The following FIP1L1 variants were observed in gnomAD, a reference collection of about 807,000 sequenced individuals.
FIP1L1 encodes the protein pre-mRNA 3'-end-processing factor FIP1.
In FIP1L1, 21 loss-of-function variants were observed where a neutral mutation model predicts 84.6. The observed-to-expected ratio is 0.25, with a 90% CI of 0.18 to 0.36. The LOEUF (loss-of-function observed/expected upper bound fraction) is 0.36, where lower values mean the gene tolerates loss of function less well. Ranked by LOEUF, FIP1L1 falls within the 10% of genes least tolerant of loss-of-function variation. The probability of loss-of-function intolerance (pLI) is 1.00; values close to 1 mark genes in which losing one functional copy is unlikely to be tolerated. For missense variants in FIP1L1, 526 were observed against 751.1 expected, an observed-to-expected ratio of 0.70 and a Z score of 3.50; for synonymous variants, 263 against 242.3, an observed-to-expected ratio of 1.09 and a Z score of -0.80.
chr4:53,378,094 C>A, intron 1 of FIP1L1, 171 bp downstream of exon 1: 1 of 538,576 alleles, frequency 1.9e-6, no homozygotes, highest in Non-Finnish European at 3.1e-6. Flanking sequence ...GTCCCCGCGG[C>A]GGTCTCCCGC....
intron 10 of FIP1L1, among the ~76,000 whole-genome samples, chr4:53,405,421 A>G (rs1159386882): frequency 2.0e-5 from 3 of 152,120 alleles, no homozygotes; most frequent in Non-Finnish European, 4.4e-5. Flanking sequence ...GCCTTGTAGT[A>G]TAGTTTGAAG....
At chr4:53,395,385 G>C (rs965160518) in intron 9 of FIP1L1, among the ~76,000 whole-genome samples, 4 of 152,014 alleles carry the variant, frequency 2.6e-5, no homozygotes, top group African/African-American at 9.7e-5. Context: ...CTCTTTTAAT[G>C]TCTCTCCCAC....
chr4:53,410,087 C>G (rs528270485), intron 10 of FIP1L1, among the ~76,000 whole-genome samples: 1 of 152,240 alleles, frequency 6.6e-6, no homozygotes. Flanking sequence ...CTGCGTCGCT[C>G]ACGCTGGGAG....
rs772589019 is a variant in FIP1L1, at chr4:53,390,578, T to C, written c.455T>C (p.Leu152Pro). ...CCTGGAAGCATTAATGGAGTTCCACTCTTAGAGGTAGATTTGGATTCTTTT... is the reference window on the plus strand; with the variant it reads ...CCTGGAAGCATTAATGGAGTTCCACCCTTAGAGGTAGATTTGGATTCTTTT... ...DAPGSINGVP[L>P]LEVDLDSFED... is the part of the protein sequence containing the mutation. Residue 152 changes from leucine to proline, a missense_variant, in exon 7 of 18, where the codon CTC becomes CCC. By Grantham distance (98) the Leu-to-Pro change is moderately conservative. This residue lies in a region of FIP1L1 where 169 missense variants were observed against 206.9 expected (regional missense o/e 0.82). Transcript: ENST00000337488. 3.1e-6 allele frequency: 5 copies of C among 1,613,070 alleles called. No homozygotes were observed. The highest frequency in any genetic ancestry group is 4.2e-6 in the Non-Finnish European group (5 of 1,179,336).
intron 13 of FIP1L1, among the ~76,000 whole-genome samples, chr4:53,429,007 C>T (rs1765453006): frequency 6.6e-6 from 1 of 152,196 alleles, no homozygotes. Flanking sequence ...GCCATGTACT[C>T]TCACTCACTT....
In FIP1L1 at chr4:53,414,209, T is replaced by C. The variant is rs186529664; in HGVS notation, c.816-406T>C. Among the ~76,000 whole-genome samples, 26 of 152,294 alleles carry C rather than the reference T, an allele frequency of 1.7e-4. 1 individual carries two copies. The South Asian group carries it at 2.1e-3, about 12-fold the overall frequency. On this transcript the variant is annotated intron_variant, in intron 10 of 17. Transcript: ENST00000337488. Reference sequence around the variant, plus strand: ...TAACTGGTTGCACTAACAATACTTATATCCATTGTTGAAGAATATAGGGAA... The same window carrying C: ...TAACTGGTTGCACTAACAATACTTACATCCATTGTTGAAGAATATAGGGAA...
At chr4:53,387,426 T>A (rs957314660) in intron 5 of FIP1L1, among the ~76,000 whole-genome samples, 1 of 152,186 alleles carries the variant, frequency 6.6e-6, no homozygotes, top group Non-Finnish European at 1.5e-5. Context: ...TGCTCCCACC[T>A]CCCACAAAAC....
At chr4:53,404,956 G>C (rs1389876370) in intron 10 of FIP1L1, among the ~76,000 whole-genome samples, 2 of 151,476 alleles carry the variant, frequency 1.3e-5, no homozygotes, top group Non-Finnish European at 1.5e-5. Context: ...CATTTTGTAG[G>C]TTGCCTGTTC....
In FIP1L1 at chr4:53,390,779, A is replaced by C. The variant is rs1743858419; in HGVS notation, c.505+151A>C. On this transcript the variant is annotated intron_variant, in intron 7 of 17. Coordinates refer to ENST00000337488, the MANE Select transcript of FIP1L1 (RefSeq NM_030917.4). Reference sequence around the variant, plus strand: ...AGTAATAATGACTTGGGATTATTAAATCTTACTGGTGGCCTTGTATTACTT... The same window carrying C: ...AGTAATAATGACTTGGGATTATTAACTCTTACTGGTGGCCTTGTATTACTT... The C allele has an allele frequency of 6.4e-6, 4 of 626,268 alleles. No individual in the cohort carries two copies. The Admixed American group carries it at 1.0e-4, about 16-fold the overall frequency. 38.8% of individuals were successfully genotyped at this position (626,268 alleles called of 1,614,324 possible).
chr4:53,446,147 G>T (rs1055907167), intron 15 of FIP1L1, among the ~76,000 whole-genome samples: 1 of 151,672 alleles, frequency 6.6e-6, no homozygotes, highest in Admixed American at 6.6e-5. Context: ...ACAAAAGATG[G>T]TATTTATGTT....
At chr4:53,382,437 C>A in intron 4 of FIP1L1, 102 bp downstream of exon 4, 1 of 842,388 alleles carries the variant, frequency 1.2e-6, no homozygotes, top group Admixed American at 2.0e-5. Context: ...CCTTCAGTAT[C>A]AGGTGTTATC....
intron 13 of FIP1L1, among the ~76,000 whole-genome samples, chr4:53,438,811 A>G (rs1268685012): frequency 6.6e-6 from 1 of 152,188 alleles, no homozygotes; most frequent in Non-Finnish European, 1.5e-5. Flanking sequence ...TTTGAGGACT[A>G]AAGTTTGAAG....
At chr4:53,457,507 T>C (rs1226659827) in intron 16 of FIP1L1, among the ~76,000 whole-genome samples, 1 of 152,156 alleles carries the variant, frequency 6.6e-6, no homozygotes, top group Non-Finnish European at 1.5e-5. Flanking sequence ...AGCAGTACAA[T>C]TGGGCATTAA....
chr4:53,454,481 C>A lies in FIP1L1; in HGVS notation c.1499+1348C>A, dbSNP rs75759578. 4.5e-4 allele frequency among the ~76,000 whole-genome samples: 68 copies of A among 152,236 alleles called. No individual in the cohort carries two copies. The East Asian group carries it at 0.011, about 25-fold the overall frequency. On this transcript the variant is annotated intron_variant, in intron 16 of 17. Transcript: ENST00000337488. ...TTTTGAAAATAATGTAATGGAATTGCATCCTTTAATGAGAAGGAGGAGCTT... is the reference window on the plus strand; with the variant it reads ...TTTTGAAAATAATGTAATGGAATTGAATCCTTTAATGAGAAGGAGGAGCTT...
chr4:53,443,987 C>T, intron 14 of FIP1L1, 61 bp from the exon 15 acceptor site: 1 of 1,191,434 alleles, frequency 8.4e-7, no homozygotes, highest in South Asian at 1.4e-5. Flanking sequence ...TTTTGTACTA[C>T]ATTATTAAAA....
At position 53,459,689 on chromosome 4, in the gene FIP1L1, A is replaced by G. The variant is rs1408375766; in HGVS notation, c.*240A>G. On this transcript the variant is annotated 3_prime_UTR_variant, in exon 18 of 18. Transcript: ENST00000337488. ...CTTTATATCCAAGAAAGGAATGTGAATGAGTCACTTAACAGGGAATCTAAA... is the reference window on the plus strand; with the variant it reads ...CTTTATATCCAAGAAAGGAATGTGAGTGAGTCACTTAACAGGGAATCTAAA... 2 of 528,140 alleles carry G rather than the reference A, an allele frequency of 3.8e-6. No homozygotes were observed. The highest frequency in any genetic ancestry group is 6.8e-6 in the Non-Finnish European group (2 of 296,104). 32.7% of individuals were successfully genotyped at this position (528,140 alleles called of 1,614,324 possible).
intron 13 of FIP1L1, among the ~76,000 whole-genome samples, chr4:53,431,840 T>C (rs1010165595): frequency 4.2e-4 from 64 of 152,160 alleles, no homozygotes; most frequent in Non-Finnish European, 8.1e-4. Context: ...TAGAGATAAC[T>C]CTCATTTGAA....
Position 53,460,046 on chromosome 4 carries a change from C to G in FIP1L1, c.*597C>G, listed in dbSNP as rs1434072225. ...AACCTATAAGGCATCTGGGTGGCCT[C>G]TATGAAATAAATTAATTAATTACCC... On this transcript the variant is annotated 3_prime_UTR_variant, in exon 18 of 18. Transcript: ENST00000337488. 1.7e-5 allele frequency: 2 copies of G among 114,838 alleles called. No individual in the cohort carries two copies. The highest frequency in any genetic ancestry group is 9.2e-5 in the African/African-American group (2 of 21,782). The allele number at this position is 114,838 out of a possible 1,614,324, so 7.1% of individuals were successfully genotyped here.
intron 11 of FIP1L1, among the ~76,000 whole-genome samples, chr4:53,419,485 A>G (rs1378932635): frequency 6.6e-6 from 1 of 152,088 alleles, no homozygotes; most frequent in Non-Finnish European, 1.5e-5. Context: ...TCTGTTTCCC[A>G]GGTTGAGTGT....
Sources: allele counts gnomAD v4.1 joint callset (sites outside exome capture counted in the v4.1 genomes callset), GRCh38; gene constraint gnomAD v4.1.1; regional missense constraint gnomAD v4.1.1; transcripts MANE v1.5; gene names NCBI Gene and HGNC (gene_info 2026-07-23, HGNC 2026-07-21).